The following ENO3 variants were observed in gnomAD, a reference collection of about 807,000 sequenced individuals.
ENO3 encodes the protein beta-enolase.
Under a neutral mutation model 47.7 loss-of-function variants are expected in ENO3, and 46 were observed. That is an observed-to-expected ratio of 0.96 (90% CI 0.76 to 1.23). The LOEUF is 1.23. Among genes scored for constraint, ENO3 ranks in the 50% most tolerant of loss-of-function variants. ENO3 has a pLI of 0.00. For synonymous variants in ENO3, 223 were observed against 225.9 expected, an observed-to-expected ratio of 0.99 and a Z score of 0.11; for missense variants, 575 against 566.2, an observed-to-expected ratio of 1.02 and a Z score of -0.16.
upstream of ENO3, among the ~76,000 whole-genome samples, chr17:4,949,635 TG>T (rs1971484007): frequency 6.6e-6 from 1 of 151,180 alleles, no homozygotes; most frequent in Non-Finnish European, 1.5e-5. Context: ...GGGACGGCCG[TG>T]CGGCGGCCGC....
intron 6 of ENO3, 78 bp from the exon 7 acceptor site, chr17:4,954,997 C>A: frequency 7.3e-7 from 1 of 1,375,476 alleles, no homozygotes. Flanking sequence ...CAGGTTTCCA[C>A]CCCAACACCC....
chr17:4,951,230 C>T, intron 1 of ENO3, 48 bp downstream of exon 1: 21 of 998,220 alleles, frequency 2.1e-5, no homozygotes, highest in Non-Finnish European at 2.5e-5. Context: ...AAAGGGTGAG[C>T]ATGGTATTGG....
intron 6 of ENO3, chr17:4,954,182 C>T (rs1390302452): frequency 2.5e-6 from 1 of 406,574 alleles, no homozygotes; most frequent in African/African-American, 2.0e-5. Flanking sequence ...TTCTTTGTAT[C>T]TTCTTGAGTC....
At chr17:4,951,211 G>A (rs763707858) in intron 1 of ENO3, 29 bp downstream of exon 1, 95 of 991,998 alleles carry the variant, frequency 9.6e-5, no homozygotes, top group Non-Finnish European at 1.1e-4. Flanking sequence ...CCCTGGGGGT[G>A]GAGGTAGTAA....
rs1971605770 is a variant in ENO3 at position 4,953,241 on chromosome 17, C to T, written c.241-31C>T. The T allele has an allele frequency of 1.9e-6, 3 of 1,613,894 alleles. No homozygotes were observed. In the African/African-American group the frequency reaches 4.0e-5, roughly 22 times the overall value. On this transcript the variant is annotated intron_variant, in intron 4 of 11. Transcript: ENST00000519602. ...CCCTGACTTCTGAGAAATCTGACCTCTGCTCTCCCTTCTCAAACTCACCCT... is the reference window on the plus strand; with the variant it reads ...CCCTGACTTCTGAGAAATCTGACCTTTGCTCTCCCTTCTCAAACTCACCCT...
intron 2 of ENO3, 107 bp from the exon 3 acceptor site, chr17:4,952,688 C>T (rs1971578205): frequency 8.8e-7 from 1 of 1,136,916 alleles, no homozygotes; most frequent in Admixed American, 2.0e-5. Context: ...TCTTGAACTC[C>T]TGATCTCAAG....
chr17:4,949,822 C>T (rs904216775), upstream of ENO3, among the ~76,000 whole-genome samples: 3 of 152,162 alleles, frequency 2.0e-5, no homozygotes, highest in African/African-American at 7.2e-5. Flanking sequence ...CCCGACGCCC[C>T]TCGAGTCCGT....
intron 7 of ENO3, 37 bp from the exon 8 acceptor site, chr17:4,955,370 C>T: frequency 6.2e-7 from 1 of 1,614,184 alleles, no homozygotes; most frequent in Non-Finnish European, 8.5e-7. Context: ...AGACAAGGGG[C>T]ACTGGAGTCT....
chr17:4,955,881 G>A (rs1971713679), intron 8 of ENO3, 61 bp from the exon 9 acceptor site: 7 of 1,381,970 alleles, frequency 5.1e-6, no homozygotes, highest in Non-Finnish European at 7.1e-6. Context: ...CTCTGTCTCT[G>A]CCCTGTCTCT....
At position 4,953,726 on chromosome 17, in the gene ENO3, A is replaced by G. The variant is rs1224744248; in HGVS notation, c.325A>G (p.Asn109Asp). 1.2e-6 allele frequency: 2 copies of G among 1,614,086 alleles called. No homozygotes were observed. The highest frequency in any genetic ancestry group is 2.7e-5 in the African/African-American group (2 of 74,920). Residue 109 changes from asparagine (N) to aspartate (D), a missense_variant, in exon 6 of 12, where the codon AAT (asparagine) becomes GAT (aspartate). By Grantham distance (23) the Asn-to-Asp change is conservative. Transcript: ENST00000519602. ...GTENKSKFGA[N>D]AILGVSLAVC... ...CCTCCTTCCAGCCAAGTTTGGGGCC[A>G]ATGCCATCCTGGGCGTGTCCTTGGC...
At chr17:4,950,638 C>A (rs1465509096), upstream of ENO3, 21 of 985,330 alleles carry the variant, frequency 2.1e-5, no homozygotes, top group Non-Finnish European at 2.2e-5. Context: ...GAGGTGAGAC[C>A]CTCTCGCCTT....
At position 4,953,304 on chromosome 17, in the gene ENO3, C is replaced by G; in HGVS notation, c.273C>G (p.Asp91Glu). 1 of 1,614,210 alleles carries G rather than the reference C, an allele frequency of 6.2e-7. No homozygotes were observed. The highest frequency in any genetic ancestry group is 8.5e-7 in the Non-Finnish European group (1 of 1,180,030). Residue 91 changes from aspartate to glutamate, a missense_variant, in exon 5 of 12, where the codon GAC (aspartate) becomes GAG (glutamate). Coordinates refer to ENST00000519602, the MANE Select transcript of ENO3 (RefSeq NM_053013.4). ...KLSVVDQEKVDKFMIELDGTE... is the reference protein window; with the variant it reads ...KLSVVDQEKVEKFMIELDGTE... ...GCGTTGTGGATCAAGAAAAAGTTGA[C>G]AAATTTATGATTGAGCTAGATGGGA... is the stretch of plus-strand genomic sequence containing the variant.
upstream of ENO3, chr17:4,949,350 C>T (rs914531673): frequency 2.6e-5 from 4 of 152,400 alleles, no homozygotes; most frequent in African/African-American, 9.6e-5. Flanking sequence ...TCTGGATCGG[C>T]TCTAGCCCAG....
At chr17:4,950,595 C>T (rs557065762), upstream of ENO3, 88 of 985,486 alleles carry the variant, frequency 8.9e-5, no homozygotes, top group Middle Eastern at 2.6e-3. Context: ...TAGGATGGGG[C>T]GGCGCCGAGA....
Position 4,956,981 on chromosome 17 carries a change from C to A in ENO3, c.1239C>A (p.Ile413=), listed in dbSNP as rs374962764. The A allele has an allele frequency of 6.2e-7, 1 of 1,614,178 alleles. No homozygotes were observed. The highest frequency in any genetic ancestry group is 1.3e-5 in the African/African-American group (1 of 75,046). The change falls in exon 12 of 12, where the codon ATC becomes ATA. Residue 413 remains isoleucine, a synonymous_variant. Transcript: ENST00000519602. ...RLAKYNQLMR[I]EEALGDKAIF... The stretch of plus-strand genomic sequence containing the variant: ...CCTAACCTTGCCTGCATTCTAGGAT[C>A]GAGGAGGCTCTTGGGGACAAGGCAA...
chr17:4,953,820 A>T lies in ENO3; in HGVS notation c.419A>T (p.Asn140Ile). ...LYRHIADLAG[N>I]PDLILPVPAF... Reference sequence around the variant, plus strand: ...CGCCACATCGCAGATCTCGCTGGGAACCCTGACCTCATACTCCCAGTGCCA... The same window carrying T: ...CGCCACATCGCAGATCTCGCTGGGATCCCTGACCTCATACTCCCAGTGCCA... The change falls in exon 6 of 12, where the codon AAC (asparagine) becomes ATC (isoleucine). Residue 140 changes from asparagine to isoleucine, a missense_variant. Transcript: ENST00000519602. The T allele has an allele frequency of 6.2e-7, 1 of 1,613,858 alleles. No individual in the cohort carries two copies.
chr17:4,954,053 C>A, intron 6 of ENO3: 1 of 743,886 alleles, frequency 1.3e-6, no homozygotes, highest in Non-Finnish European at 2.2e-6. Flanking sequence ...TCCTTCCCTG[C>A]CATATAACCC....
intron 2 of ENO3, chr17:4,952,407 G>A (rs536169777): frequency 2.1e-5 from 7 of 339,076 alleles, no homozygotes; most frequent in Non-Finnish European, 3.4e-5. Context: ...GCAGTGGCGC[G>A]ATCTAGGCTC....
In ENO3 at chr17:4,956,615, C is replaced by T; in HGVS notation, c.1110C>T (p.Ser370=). The part of the protein sequence containing the change: ...AQSNGWGVMV[S]HRSGETEDTF... ...CTAATGGCTGGGGGGTGATGGTGAG[C>T]CACCGCTCTGGGGAGACTGAGGACA... The change falls in exon 10 of 12, where the codon AGC becomes AGT. Residue 370 remains serine, a synonymous_variant. Transcript: ENST00000519602. The T allele has an allele frequency of 6.2e-7, 1 of 1,614,172 alleles. No individual in the cohort carries two copies. The highest frequency in any genetic ancestry group is 1.7e-5 in the Admixed American group (1 of 60,024).
Sources: allele counts gnomAD v4.1 joint callset (sites outside exome capture counted in the v4.1 genomes callset), GRCh38; gene constraint gnomAD v4.1.1; transcripts MANE v1.5; gene names NCBI Gene and HGNC (gene_info 2026-07-23, HGNC 2026-07-21).